The following EFCC1 variants were observed in gnomAD, a reference collection of about 807,000 sequenced individuals.
EFCC1 encodes the protein EF-hand and coiled-coil domain-containing protein 1.
EFCC1 carries 50 observed loss-of-function variants against 52.1 expected under a neutral mutation model. The ratio of observed to expected loss-of-function variants is 0.96; its 90% CI spans 0.76 to 1.21. The LOEUF (loss-of-function observed/expected upper bound fraction) is 1.21, where lower values mean the gene tolerates loss of function less well. Among genes scored for constraint, EFCC1 ranks in the 50% most tolerant of loss-of-function variants. The pLI, the probability that EFCC1 is intolerant of heterozygous loss-of-function variation, is 0.00. For synonymous variants in EFCC1, 399 were observed against 396.5 expected, an observed-to-expected ratio of 1.01 and a Z score of -0.08; for missense variants, 837 against 867.3, an observed-to-expected ratio of 0.97 and a Z score of 0.44.
rs117782621 is a variant in EFCC1 at position 129,025,280 on chromosome 3, C to T, written c.981-5423C>T. Reference sequence around the variant, plus strand: ...CCTCAGAGGGCATCCCAGGGCTCACCGGCATTAGGGGTCGGGACGGAGAGG... The same window carrying T: ...CCTCAGAGGGCATCCCAGGGCTCACTGGCATTAGGGGTCGGGACGGAGAGG... On this transcript the variant is annotated intron_variant, in intron 2 of 7. Transcript: ENST00000683648. Among the ~76,000 whole-genome samples, 1,284 of 152,000 alleles carry T rather than the reference C, an allele frequency of 8.4e-3. 43 individuals carry two copies. In the South Asian group the frequency reaches 0.086, roughly 10 times the overall value.
chr3:129,001,927 C>G lies in EFCC1; in HGVS notation c.299C>G (p.Ala100Gly). 6.5e-7 allele frequency: 1 copy of G among 1,539,636 alleles called. No individual in the cohort carries two copies. The highest frequency in any genetic ancestry group is 1.2e-5 in the South Asian group (1 of 82,826). The change falls in exon 1 of 8, where the codon GCA becomes GGA. Residue 100 changes from alanine (A) to glycine (G), a missense_variant. Coordinates refer to ENST00000683648, the MANE Select transcript of EFCC1 (RefSeq NM_001377500.1). ...GGGGCCACCACGGCCGGGCAGGCAG[C>G]AGGTGACGGGAACTCCAGAGATGTG... is the stretch of plus-strand genomic sequence containing the variant. ...AEGATTAGQA[A>G]GDGNSRDVTP... is the part of the protein sequence containing the mutation.
chr3:129,021,120 A>T (rs1945822978), intron 2 of EFCC1, among the ~76,000 whole-genome samples: 1 of 152,176 alleles, frequency 6.6e-6, no homozygotes, highest in Non-Finnish European at 1.5e-5. Flanking sequence ...CAGGGAAACA[A>T]GGCTCTGGGC....
Position 129,039,788 on chromosome 3 carries a change from GCCCTC to G in EFCC1, c.1741_1745del (p.Pro581GlyfsTer57), listed in dbSNP as rs758698459. The G allele has an allele frequency of 8.1e-6, 13 of 1,612,360 alleles. No homozygotes were observed. In the South Asian group the frequency reaches 1.4e-4, roughly 18 times the overall value. The stretch of plus-strand genomic sequence containing the variant: ...CTGCCTGCCAGCTGTTGCGGAGACA[GCCCTC>G]GGCACCAGCCTCTGCAGCAGCTGCG... On this transcript the variant is annotated frameshift_variant, in exon 8 of 8. Transcript: ENST00000683648. LOFTEE classifies it low-confidence loss of function (END_TRUNC).
At chr3:129,009,345 G>A (rs1165884309) in intron 2 of EFCC1, among the ~76,000 whole-genome samples, 6 of 152,178 alleles carry the variant, frequency 3.9e-5, no homozygotes, top group Non-Finnish European at 8.8e-5. Flanking sequence ...GTGTTACCAC[G>A]ATATACTGAA....
At chr3:129,021,370 G>T (rs781378840) in intron 2 of EFCC1, among the ~76,000 whole-genome samples, 5 of 152,214 alleles carry the variant, frequency 3.3e-5, no homozygotes, top group Admixed American at 6.5e-5. Flanking sequence ...TTTTCCAAGA[G>T]TTGCTCATCA....
At chr3:129,019,220 A>C (rs1945724156) in intron 2 of EFCC1, among the ~76,000 whole-genome samples, 1 of 152,228 alleles carries the variant, frequency 6.6e-6, no homozygotes. Flanking sequence ...TTCCTAGGTC[A>C]CAAGGGTATT....
At chr3:129,011,550 CAAA>C (rs1201411639) in intron 2 of EFCC1, among the ~76,000 whole-genome samples, 4 of 93,480 alleles carry the variant, frequency 4.3e-5, no homozygotes, top group African/African-American at 7.5e-5. Context: ...GACTCCGTCT[CAAA>C]AAAAAAAAAA....
intron 1 of EFCC1, 25 bp from the exon 2 acceptor site, chr3:129,003,769 T>C (rs1020617043): frequency 7.2e-7 from 1 of 1,392,556 alleles, no homozygotes; most frequent in Non-Finnish European, 9.3e-7. Context: ...ACTTACCCCC[T>C]GCCCCTGCTG....
intron 2 of EFCC1, among the ~76,000 whole-genome samples, chr3:129,017,883 A>T (rs546294306): frequency 6.6e-6 from 1 of 152,316 alleles, no homozygotes; most frequent in South Asian, 2.1e-4. Flanking sequence ...TGAGGCAGAC[A>T]TTTCACTGGA....
At chr3:129,002,484 CT>C in intron 1 of EFCC1, 160 bp downstream of exon 1, 2 of 1,330,560 alleles carry the variant, frequency 1.5e-6, no homozygotes, top group Non-Finnish European at 1.9e-6. Context: ...CATCTTGCCC[CT>C]GTTCCTCCCC....
At chr3:129,026,260 C>G (rs1946103691) in intron 2 of EFCC1, among the ~76,000 whole-genome samples, 1 of 152,198 alleles carries the variant, frequency 6.6e-6, no homozygotes, top group Admixed American at 6.5e-5. Flanking sequence ...CAGTCCACCC[C>G]AGGCAGCCTG....
chr3:129,032,688 G>C (rs1946295209), intron 3 of EFCC1, 131 bp from the exon 4 acceptor site: 6 of 1,327,354 alleles, frequency 4.5e-6, no homozygotes, highest in Non-Finnish European at 6.1e-6. Flanking sequence ...CTGGGATGTG[G>C]GGGTGGCTGT....
intron 6 of EFCC1, 48 bp downstream of exon 6, chr3:129,037,165 T>C (rs753444486): frequency 1.3e-6 from 2 of 1,543,140 alleles, no homozygotes; most frequent in Non-Finnish European, 1.7e-6. Flanking sequence ...AAAGGAGCTC[T>C]TGGGAGGGAG....
chr3:129,016,025 C>T (rs767966371), intron 2 of EFCC1, among the ~76,000 whole-genome samples: 7 of 152,274 alleles, frequency 4.6e-5, no homozygotes, highest in Admixed American at 1.3e-4. Context: ...AGTCACTGAG[C>T]GGCTCAGAGC....
intron 5 of EFCC1, among the ~76,000 whole-genome samples, chr3:129,036,660 A>G (rs1184761921): frequency 2.0e-5 from 3 of 152,166 alleles, no homozygotes; most frequent in Non-Finnish European, 2.9e-5. Context: ...CTGCTAGTCC[A>G]TTCTGGGATC....
At chr3:129,027,050 G>A (rs778907214) in intron 2 of EFCC1, among the ~76,000 whole-genome samples, 10 of 152,314 alleles carry the variant, frequency 6.6e-5, no homozygotes, top group Middle Eastern at 3.4e-3. Flanking sequence ...CAGCCCCCAA[G>A]CATCTCCGGA....
chr3:129,021,786 A>G (rs1284579517), intron 2 of EFCC1, among the ~76,000 whole-genome samples: 1 of 152,210 alleles, frequency 6.6e-6, no homozygotes, highest in Non-Finnish European at 1.5e-5. Context: ...AAGTATCTGA[A>G]AATTTCATTG....
rs765716745 is a variant in EFCC1 at position 129,039,695 on chromosome 3, C to T, written c.1664-17C>T. 209 of 1,578,890 alleles carry T rather than the reference C, an allele frequency of 1.3e-4. No individual in the cohort carries two copies. Among genetic ancestry groups the T allele is most frequent in the Non-Finnish European group, 1.8e-4 (206 of 1,157,252 alleles). ...AGCAGACTGATCCTGCCCTCCCTGC[C>T]TGCTGTTTCCCTCCAGAGGGAAGGC... is the stretch of plus-strand genomic sequence containing the variant. On this transcript the variant is annotated splice_polypyrimidine_tract_variant and intron_variant, in intron 7 of 7. Transcript: ENST00000683648.
At position 129,034,185 on chromosome 3, in the gene EFCC1, G is replaced by A; in HGVS notation, c.1308G>A (p.Glu436=). 1 of 1,614,248 alleles carries A rather than the reference G, an allele frequency of 6.2e-7. No individual in the cohort carries two copies. Among genetic ancestry groups the A allele is most frequent in the Non-Finnish European group, 8.5e-7 (1 of 1,180,040 alleles). Residue 436 remains glutamate, a synonymous_variant, in exon 5 of 8, where the codon GAG becomes GAA. Coordinates refer to ENST00000683648, the MANE Select transcript of EFCC1 (RefSeq NM_001377500.1). ...CRGRCDDQTA[E]KLMTYFGHFG... ...GCAGGTGTGATGACCAGACGGCGGA[G>A]AAGCTCATGACTTACTTTGGTCACT...
Sources: allele counts gnomAD v4.1 joint callset (sites outside exome capture counted in the v4.1 genomes callset), GRCh38; gene constraint gnomAD v4.1.1; transcripts MANE v1.5; gene names NCBI Gene and HGNC (gene_info 2026-07-23, HGNC 2026-07-21).